Variants in SLC9A9 observed in about 807,000 individuals in gnomAD.
SLC9A9 encodes sodium/hydrogen exchanger 9.
SLC9A9 carries 62 observed loss-of-function variants against 77.8 expected under a neutral mutation model. The observed-to-expected ratio is 0.80, with a 90% confidence interval of 0.65 to 0.98. The LOEUF (loss-of-function observed/expected upper bound fraction) is 0.98. Among genes scored for constraint, SLC9A9 ranks in the 50% least tolerant of loss-of-function variants. The pLI is 0.00. For missense variants in SLC9A9, 775 were observed against 774.9 expected (o/e 1.00, Z 0.00); for synonymous variants, 320 against 283.5 (o/e 1.13, Z -1.29).
At chr3:143,580,056 C>A (rs2037427125) in intron 6 of SLC9A9, among the ~76,000 whole-genome samples, 1 of 152,102 alleles carries the variant, frequency 6.6e-6, no homozygotes, top group Non-Finnish European at 1.5e-5. Flanking sequence ...AAAAGGACTG[C>A]CTTTGAAGTG....
Position 143,692,608 on chromosome 3 carries a change from A to C in SLC9A9, c.649+584T>G, listed in dbSNP as rs559702780. On this transcript the variant is annotated intron_variant, in intron 5 of 15. Transcript: ENST00000316549. Reference sequence around the variant, plus strand: ...AGTACCACAGTAAACATTTTTTAAAAATATCTTTAAACAACTTAATTTAAT... The same window carrying C: ...AGTACCACAGTAAACATTTTTTAAACATATCTTTAAACAACTTAATTTAAT... Among the ~76,000 whole-genome samples the C allele has an allele frequency of 2.0e-5, 3 of 152,266 alleles. No homozygotes were observed. The East Asian group carries it at 5.8e-4, about 29-fold the overall frequency.
At chr3:143,285,818 A>AT (rs1938366053) in intron 14 of SLC9A9, among the ~76,000 whole-genome samples, 1 of 152,028 alleles carries the variant, frequency 6.6e-6, no homozygotes, top group Admixed American at 6.6e-5. Flanking sequence ...CAGTGTTAAT[A>AT]TTTTTGCCAC....
chr3:143,308,351 C>G, intron 14 of SLC9A9, among the ~76,000 whole-genome samples: 1 of 151,950 alleles, frequency 6.6e-6, no homozygotes, highest in African/African-American at 2.4e-5. Context: ...CCGAGGCGGG[C>G]GGATCACGAG....
At chr3:143,835,930 G>C (rs2009556300) in intron 1 of SLC9A9, among the ~76,000 whole-genome samples, 1 of 152,214 alleles carries the variant, frequency 6.6e-6, no homozygotes. Context: ...CCAGTTGGCA[G>C]CATCTCCTTC....
Position 143,266,466 on chromosome 3 carries a change from T to A in SLC9A9, c.*236A>T. 1 of 574,134 alleles carries A rather than the reference T, an allele frequency of 1.7e-6. No homozygotes were observed. The highest frequency in any genetic ancestry group is 3.1e-6 in the Non-Finnish European group (1 of 320,890). 35.6% of individuals were successfully genotyped at this position (574,134 alleles called of 1,614,324 possible). A position where few individuals can be genotyped will look rare whatever the true frequency, so the allele number is the denominator to read the frequency against. ...ATACCTCCATCCCCACCCCAGCCAA[T>A]CCAGTAATCAGAATGGCTGCTGTCA... On this transcript the variant is annotated 3_prime_UTR_variant, in exon 16 of 16. Transcript: ENST00000316549.
At chr3:143,439,464 GAGA>G (rs139923983) in intron 12 of SLC9A9, among the ~76,000 whole-genome samples, 18,603 of 152,152 alleles carry the variant, frequency 0.12, 1,172 homozygotes, top group Middle Eastern at 0.19. Flanking sequence ...AAGGACCGTG[GAGA>G]AGAAGTCACC....
At position 143,276,792 on chromosome 3, in the gene SLC9A9, C is replaced by CA. The variant is rs201355268; in HGVS notation, c.1605-7813dup. ...AGTTTTGTCTAAAAAAAAAAACCTC[C>CA]AAAAAAACTGCCTACATGCATGTTA... On this transcript the variant is annotated intron_variant, in intron 14 of 15. Coordinates refer to ENST00000316549, the MANE Select transcript of SLC9A9 (RefSeq NM_173653.4). Among the ~76,000 whole-genome samples, 561 of 151,634 alleles carry CA rather than the reference C, an allele frequency of 3.7e-3. 4 individuals are homozygous for CA. Among genetic ancestry groups the CA allele is most frequent in the African/African-American group, 0.013 (536 of 41,390 alleles).
intron 4 of SLC9A9, among the ~76,000 whole-genome samples, chr3:143,722,472 C>CAAAAAAA (rs60995925): frequency 0.18 from 10,332 of 58,278 alleles, 1,857 homozygotes; most frequent in East Asian, 0.53. Context: ...GACTCCATCT[C>CAAAAAAA]AAAAAAAAAA....
chr3:143,538,345 A>G (rs2036628343), intron 9 of SLC9A9, among the ~76,000 whole-genome samples: 2 of 152,208 alleles, frequency 1.3e-5, no homozygotes, highest in Admixed American at 1.3e-4. Flanking sequence ...AACCCAAACA[A>G]TAAATCAGTA....
intron 12 of SLC9A9, among the ~76,000 whole-genome samples, chr3:143,459,065 C>T (rs770407727): frequency 4.6e-5 from 7 of 151,764 alleles, no homozygotes; most frequent in African/African-American, 7.2e-5. Context: ...TTGGTCATTG[C>T]ATTTTCCATT....
chr3:143,736,996 A>G (rs1300956679), intron 4 of SLC9A9, among the ~76,000 whole-genome samples: 1 of 152,250 alleles, frequency 6.6e-6, no homozygotes, highest in Non-Finnish European at 1.5e-5. Context: ...TAATACACTA[A>G]GTAGAGCAAA....
chr3:143,753,018 A>C (rs1184706239), intron 4 of SLC9A9, among the ~76,000 whole-genome samples: 1 of 152,158 alleles, frequency 6.6e-6, no homozygotes, highest in East Asian at 1.9e-4. Flanking sequence ...TCACTTAGGT[A>C]CTCCATCCCA....
At chr3:143,271,458 A>G (rs1411196850) in intron 14 of SLC9A9, among the ~76,000 whole-genome samples, 2 of 152,202 alleles carry the variant, frequency 1.3e-5, no homozygotes, top group Non-Finnish European at 2.9e-5. Flanking sequence ...TTAAACCTTG[A>G]TATGCTATAA....
chr3:143,444,315 T>A (rs2034804585), intron 12 of SLC9A9, among the ~76,000 whole-genome samples: 1 of 152,144 alleles, frequency 6.6e-6, no homozygotes, highest in Admixed American at 6.5e-5. Flanking sequence ...GCCTCCTATA[T>A]TCTCATAGTC....
intron 6 of SLC9A9, among the ~76,000 whole-genome samples, chr3:143,622,177 T>C (rs1345889022): frequency 6.6e-6 from 1 of 152,208 alleles, no homozygotes; most frequent in African/African-American, 2.4e-5. Flanking sequence ...TGGAACCAAG[T>C]TGGAAAACAC....
chr3:143,452,503 T>TAAAAAAAAAAAAAAAAAAAAAAACA (rs58038873), intron 12 of SLC9A9, among the ~76,000 whole-genome samples: 1 of 108,880 alleles, frequency 9.2e-6, no homozygotes, highest in Non-Finnish European at 1.9e-5. Context: ...TTAAAAAGAC[T>TAAAAAAAAAAAAAAAAAAAAAAACA]AAAAAAAAAA....
chr3:143,392,896 C>T (rs1399191666), intron 12 of SLC9A9, among the ~76,000 whole-genome samples: 2 of 152,190 alleles, frequency 1.3e-5, no homozygotes, highest in African/African-American at 4.8e-5. Context: ...ACAACAAGAG[C>T]TAACTATCCT....
chr3:143,403,449 CT>C lies in SLC9A9; in HGVS notation c.1470-21336del, dbSNP rs201677787. ...TAATACGTAGTTACCTTTGCCGGCA[CT>C]TTTTTTTTTCCACGTGGATTTGAAT... On this transcript the variant is annotated intron_variant, in intron 12 of 15. Coordinates refer to ENST00000316549, the MANE Select transcript of SLC9A9 (RefSeq NM_173653.4). Among the ~76,000 whole-genome samples the C allele has an allele frequency of 7.4e-5, 11 of 148,020 alleles. No individual in the cohort carries two copies. In the East Asian group the frequency reaches 7.8e-4, roughly 11 times the overall value.
rs564027951 is a variant in SLC9A9, at chr3:143,757,528, A to AT, written c.533+37472dup. On this transcript the variant is annotated intron_variant, in intron 4 of 15. Transcript: ENST00000316549. Reference sequence around the variant, plus strand: ...ACTATTGGCATTTGGAGTACAACAAATTTTTTTACTGGGCAGGACTTTCCT... The same window carrying AT: ...ACTATTGGCATTTGGAGTACAACAAATTTTTTTTACTGGGCAGGACTTTCCT... 5.9e-5 allele frequency among the ~76,000 whole-genome samples: 9 copies of AT among 152,118 alleles called. No individual in the cohort carries two copies. The South Asian group carries it at 1.7e-3, about 28-fold the overall frequency.
Sources: gnomAD v4.1 joint callset for allele counts (sites outside exome capture counted in the v4.1 genomes callset) on GRCh38, gnomAD v4.1.1 for gene constraint, MANE v1.5 for transcripts, NCBI Gene and HGNC (gene_info 2026-07-23, HGNC 2026-07-21) for gene names.